PRMT8: variants seen among roughly 807,000 people sequenced by gnomAD.
PRMT8 encodes the protein protein arginine methyltransferase 8, also known as protein arginine N-methyltransferase 8.
In PRMT8, 7 loss-of-function variants were observed where a neutral mutation model predicts 47.1. The observed-to-expected ratio is 0.15, with a 90% CI of 0.08 to 0.28. The LOEUF (loss-of-function observed/expected upper bound fraction) is 0.28. Among genes scored for constraint, PRMT8 ranks in the 10% least tolerant of loss-of-function variants. The pLI is 1.00. For missense variants in PRMT8, 237 were observed against 505.4 expected, an observed-to-expected ratio of 0.47 and a Z score of 5.09; for synonymous variants, 188 against 186.5, an observed-to-expected ratio of 1.01 and a Z score of -0.07.
chr12:3,387,600 C>T (rs1864154601), intron 1 of PRMT8, among the ~76,000 whole-genome samples: 1 of 152,176 alleles, frequency 6.6e-6, no homozygotes, highest in South Asian at 2.1e-4. Context: ...AAGAGATCAC[C>T]ATCACCAGAA....
intron 1 of PRMT8, among the ~76,000 whole-genome samples, chr12:3,418,665 T>A (rs938603164): frequency 6.6e-6 from 1 of 152,178 alleles, no homozygotes; most frequent in African/African-American, 2.4e-5. Flanking sequence ...TCTAGCTACC[T>A]CACCCCACTT....
intron 1 of PRMT8, among the ~76,000 whole-genome samples, chr12:3,429,515 G>C (rs1308668825): frequency 6.6e-6 from 1 of 152,168 alleles, no homozygotes; most frequent in Non-Finnish European, 1.5e-5. Context: ...CACTTTTACA[G>C]TTTATACCAA....
rs141978927 is a variant in PRMT8, at chr12:3,519,399, T to C, written c.76-21207T>C. On this transcript the variant is annotated intron_variant, in intron 1 of 9. Coordinates refer to ENST00000382622, the MANE Select transcript of PRMT8 (RefSeq NM_019854.5). ...GGTTGGCAGGGCTGGGGGAAGGTTC[T>C]AGAGGCTCAAGCAACAAAGAGGTGC... Among the ~76,000 whole-genome samples, 281 of 152,154 alleles carry C rather than the reference T, an allele frequency of 1.8e-3. 5 individuals carry two copies. In the East Asian group the frequency reaches 0.043, roughly 23 times the overall value.
chr12:3,492,627 T>G lies in PRMT8; in HGVS notation c.75+927T>G, dbSNP rs1414980388. ...TGCGTCCCGAGACTCGAGGCTGTGA[T>G]CCCTCGCCTCCCTCTGACCCCGCTG... On this transcript the variant is annotated intron_variant, in intron 1 of 9. Transcript: ENST00000382622. The surrounding 1 kb of genome is among the most constrained non-coding windows in gnomAD (Gnocchi z 7.5). Among the ~76,000 whole-genome samples, 5 of 152,144 alleles carry G rather than the reference T, an allele frequency of 3.3e-5. No homozygotes were observed. The highest frequency in any genetic ancestry group is 1.2e-4 in the African/African-American group (5 of 41,430).
chr12:3,466,133 C>T (rs977946986), intron 1 of PRMT8, among the ~76,000 whole-genome samples: 2 of 152,210 alleles, frequency 1.3e-5, no homozygotes, highest in Non-Finnish European at 2.9e-5. Context: ...CTGCCAATCT[C>T]GGTTTAAGTC....
intron 1 of PRMT8, among the ~76,000 whole-genome samples, chr12:3,433,095 C>T (rs1467821872): frequency 1.3e-5 from 2 of 152,206 alleles, no homozygotes; most frequent in Admixed American, 1.3e-4. Context: ...CCACTCCCCA[C>T]ATCCTCTCCA....
At chr12:3,429,701 T>G (rs927386461) in intron 1 of PRMT8, among the ~76,000 whole-genome samples, 7 of 152,172 alleles carry the variant, frequency 4.6e-5, no homozygotes, top group Admixed American at 1.3e-4. Context: ...CAAAGACCAG[T>G]CTTACCAAGT....
intron 2 of PRMT8, among the ~76,000 whole-genome samples, chr12:3,543,686 T>G (rs2137168735): frequency 6.6e-6 from 1 of 152,340 alleles, no homozygotes; most frequent in East Asian, 1.9e-4. Flanking sequence ...TCTGGACACT[T>G]CTGTTCTCAT....
intron 1 of PRMT8, among the ~76,000 whole-genome samples, chr12:3,467,694 A>G (rs1591558780): frequency 6.6e-6 from 1 of 152,244 alleles, no homozygotes; most frequent in Non-Finnish European, 1.5e-5. Flanking sequence ...ACATTCAACC[A>G]GCAGATAGAC....
At chr12:3,473,862 C>T (rs1360051308) in intron 1 of PRMT8, among the ~76,000 whole-genome samples, 1 of 152,198 alleles carries the variant, frequency 6.6e-6, no homozygotes, top group African/African-American at 2.4e-5. Flanking sequence ...GCAGTTCCTT[C>T]TCCTTCAGGC....
chr12:3,386,683 G>T (rs1207463493), intron 1 of PRMT8, among the ~76,000 whole-genome samples: 3 of 151,220 alleles, frequency 2.0e-5, no homozygotes, highest in Admixed American at 2.0e-4. Flanking sequence ...TCATCAAGGT[G>T]TTCATATGCT....
chr12:3,495,840 G>T lies in PRMT8; in HGVS notation c.75+4140G>T, dbSNP rs74631013. Among the ~76,000 whole-genome samples, 564 of 152,222 alleles carry T rather than the reference G, an allele frequency of 3.7e-3. 19 individuals are homozygous for T. The East Asian group carries it at 0.079, about 21-fold the overall frequency. ...CCCCACCTGTCTGCTGTACTTAGTT[G>T]CTGTGAACCTTTGAAACTCAAAATG... On this transcript the variant is annotated intron_variant, in intron 1 of 9. Coordinates refer to ENST00000382622, the MANE Select transcript of PRMT8 (RefSeq NM_019854.5).
rs895988152 is a variant in PRMT8, at chr12:3,491,293, ACCGCCG to A, written c.-319_-314del. On this transcript the variant is annotated 5_prime_UTR_variant, in exon 1 of 10. Coordinates refer to ENST00000382622, the MANE Select transcript of PRMT8 (RefSeq NM_019854.5). Reference sequence around the variant, plus strand: ...GCGAGCAGCCTGGAGAGGATCCGCGACCGCCGCCGCCGCCGCCGCGGAGGCTTCGGG... The same window carrying A: ...GCGAGCAGCCTGGAGAGGATCCGCGACCGCCGCCGCCGCGGAGGCTTCGGG... The A allele has an allele frequency of 9.8e-6, 11 of 1,126,054 alleles. No individual in the cohort carries two copies. Among genetic ancestry groups the A allele is most frequent in the East Asian group, 1.1e-4 (2 of 17,618 alleles). 69.8% of individuals were successfully genotyped at this position (1,126,054 alleles called of 1,614,324 possible).
intron 7 of PRMT8, among the ~76,000 whole-genome samples, chr12:3,581,728 A>G (rs1565448810): frequency 6.6e-6 from 1 of 152,098 alleles, no homozygotes. Flanking sequence ...CTTCTTCCCA[A>G]TCAACAGTCA....
chr12:3,405,062 G>A (rs1864358712), intron 1 of PRMT8, among the ~76,000 whole-genome samples: 1 of 152,070 alleles, frequency 6.6e-6, no homozygotes, highest in Non-Finnish European at 1.5e-5. Flanking sequence ...CCGAGACTGG[G>A]TAATTTATAA....
chr12:3,592,381 G>A, intron 9 of PRMT8, 29 bp downstream of exon 9: 1 of 1,595,256 alleles, frequency 6.3e-7, no homozygotes, highest in Admixed American at 1.8e-5. Context: ...AAGGACATAA[G>A]GGAGAAGGGC....
At chr12:3,440,271 T>C (rs1273554422) in intron 1 of PRMT8, among the ~76,000 whole-genome samples, 1 of 152,060 alleles carries the variant, frequency 6.6e-6, no homozygotes, top group Non-Finnish European at 1.5e-5. Context: ...CCATCCTGGC[T>C]AACATGGTGA....
chr12:3,547,800 T>C (rs1384233947), intron 2 of PRMT8, among the ~76,000 whole-genome samples: 2 of 152,246 alleles, frequency 1.3e-5, no homozygotes, highest in Non-Finnish European at 1.5e-5. Flanking sequence ...TGTTCTTGGA[T>C]TATAAAACTC....
chr12:3,573,120 T>C (rs1054979761), intron 6 of PRMT8, among the ~76,000 whole-genome samples: 3 of 152,210 alleles, frequency 2.0e-5, no homozygotes, highest in Admixed American at 6.5e-5. Context: ...ACTCCCATTA[T>C]ATGAAATAAT....
Sources: gnomAD v4.1 joint callset for allele counts (sites outside exome capture counted in the v4.1 genomes callset) on GRCh38, gnomAD v4.1.1 for gene constraint, Gnocchi (gnomAD v3.1) non-coding constraint, MANE v1.5 for transcripts, NCBI Gene and HGNC (gene_info 2026-07-23, HGNC 2026-07-21) for gene names.